MTMR12: variants seen among roughly 807,000 people sequenced by gnomAD.
The protein encoded by MTMR12 is myotubularin-related protein 12.
MTMR12 carries 33 observed loss-of-function variants against 96.7 expected under a neutral mutation model. The ratio of observed to expected loss-of-function variants is 0.34; its 90% CI spans 0.26 to 0.46. The LOEUF (loss-of-function observed/expected upper bound fraction) is 0.46. MTMR12 is among the 20% of genes least tolerant of loss of function. MTMR12 has a pLI of 1.00. For synonymous variants in MTMR12, 298 were observed against 327.2 expected (o/e 0.91, Z 0.96); for missense variants, 721 against 896.1 (o/e 0.80, Z 2.49).
At chr5:32,270,225 T>C (rs906368048) in intron 5 of MTMR12, among the ~76,000 whole-genome samples, 1 of 151,588 alleles carries the variant, frequency 6.6e-6, no homozygotes, top group Non-Finnish European at 1.5e-5. Flanking sequence ...GAAAAAAAAA[T>C]CTTGGAAATT....
At chr5:32,238,536 T>C (rs1748331332) in intron 13 of MTMR12, among the ~76,000 whole-genome samples, 1 of 152,160 alleles carries the variant, frequency 6.6e-6, no homozygotes, top group Non-Finnish European at 1.5e-5. Flanking sequence ...AATGCAAATA[T>C]TCCAAAATCC....
chr5:32,290,360 G>A (rs747360456), intron 1 of MTMR12, among the ~76,000 whole-genome samples: 3 of 152,176 alleles, frequency 2.0e-5, no homozygotes, highest in Admixed American at 1.3e-4. Context: ...ACTTATTGGT[G>A]AGACATTTTC....
At chr5:32,281,405 T>C (rs1054287341) in intron 1 of MTMR12, among the ~76,000 whole-genome samples, 3 of 152,152 alleles carry the variant, frequency 2.0e-5, no homozygotes, top group Non-Finnish European at 4.4e-5. Context: ...AACACTGAAG[T>C]TGGCCCTAAA....
chr5:32,305,339 G>A (rs899682748), intron 1 of MTMR12, among the ~76,000 whole-genome samples: 12 of 151,956 alleles, frequency 7.9e-5, no homozygotes, highest in African/African-American at 2.9e-4. Context: ...CACCCACCTC[G>A]GCCTCCCAAA....
At chr5:32,238,311 C>G (rs564231601) in intron 13 of MTMR12, among the ~76,000 whole-genome samples, 1 of 152,216 alleles carries the variant, frequency 6.6e-6, no homozygotes, top group East Asian at 1.9e-4. Flanking sequence ...CTCAAGCAAT[C>G]CTCTCACCTC....
At chr5:32,290,483 G>A (rs1263919417) in intron 1 of MTMR12, among the ~76,000 whole-genome samples, 1 of 152,194 alleles carries the variant, frequency 6.6e-6, no homozygotes, top group East Asian at 1.9e-4. Flanking sequence ...CTAAGATGAA[G>A]GATAAGTTGC....
chr5:32,266,151 G>A (rs986867178), intron 6 of MTMR12, among the ~76,000 whole-genome samples: 1 of 152,106 alleles, frequency 6.6e-6, no homozygotes, highest in South Asian at 2.1e-4. Context: ...GAGGGTGGGC[G>A]CCTCCACAGA....
intron 1 of MTMR12, among the ~76,000 whole-genome samples, chr5:32,283,711 G>A (rs1247262552): frequency 6.6e-6 from 1 of 152,140 alleles, no homozygotes; most frequent in Non-Finnish European, 1.5e-5. Context: ...AAGTGACCAG[G>A]GAAAGCCTCG....
At chr5:32,248,675 C>T (rs938581247) in intron 9 of MTMR12, 97 bp downstream of exon 9, 77 of 871,886 alleles carry the variant, frequency 8.8e-5, no homozygotes, top group Non-Finnish European at 1.1e-4. Flanking sequence ...ATTAAGCTAC[C>T]AGTAGGTAAA....
chr5:32,262,722 C>A (rs1253685854), intron 7 of MTMR12, among the ~76,000 whole-genome samples: 1 of 152,138 alleles, frequency 6.6e-6, no homozygotes, highest in East Asian at 1.9e-4. Flanking sequence ...TGTGCTATAT[C>A]CACATTATGG....
chr5:32,250,773 C>T (rs2047069), intron 8 of MTMR12, among the ~76,000 whole-genome samples: 50,221 of 152,010 alleles, frequency 0.33, 8,648 homozygotes, highest in East Asian at 0.49. Flanking sequence ...GTAATAACTC[C>T]TAATCATAAC....
At chr5:32,296,671 C>T (rs747735706) in intron 1 of MTMR12, among the ~76,000 whole-genome samples, 5 of 150,796 alleles carry the variant, frequency 3.3e-5, no homozygotes, top group East Asian at 2.0e-4. Flanking sequence ...AACAGTAACA[C>T]GTGCCTGTAG....
chr5:32,241,938 G>A, intron 12 of MTMR12, 119 bp downstream of exon 12: 1 of 787,830 alleles, frequency 1.3e-6, no homozygotes, highest in Non-Finnish European at 2.0e-6. Flanking sequence ...GAAAGGAATA[G>A]GAAGGATTTC....
chr5:32,239,810 T>TG (rs1748394341), intron 12 of MTMR12, among the ~76,000 whole-genome samples: 1 of 152,246 alleles, frequency 6.6e-6, no homozygotes, highest in Admixed American at 6.5e-5. Context: ...CTGCTTCTCC[T>TG]GCCTATCCTA....
intron 2 of MTMR12, among the ~76,000 whole-genome samples, chr5:32,275,560 C>G (rs1160506787): frequency 6.6e-6 from 1 of 152,160 alleles, no homozygotes; most frequent in Non-Finnish European, 1.5e-5. Flanking sequence ...GTGCCATAAT[C>G]AGCTGGTTTA....
chr5:32,258,637 C>A (rs1018309886), intron 7 of MTMR12, among the ~76,000 whole-genome samples: 3 of 152,142 alleles, frequency 2.0e-5, no homozygotes, highest in African/African-American at 7.2e-5. Flanking sequence ...TAGACAAGAG[C>A]CTCCAGCGAT....
At position 32,245,567 on chromosome 5, in the gene MTMR12, C is replaced by T. The variant is rs185648557; in HGVS notation, c.1022-1968G>A. Among the ~76,000 whole-genome samples the T allele has an allele frequency of 2.0e-5, 3 of 152,082 alleles. No individual in the cohort carries two copies. The East Asian group carries it at 5.8e-4, about 29-fold the overall frequency. ...TTATGGCTGGGCATGGTGGCTCATG[C>T]CTATAATCCCAGCACTTTGGGAGGC... On this transcript the variant is annotated intron_variant, in intron 10 of 15. Coordinates refer to ENST00000382142, the MANE Select transcript of MTMR12 (RefSeq NM_001040446.3).
intron 10 of MTMR12, 112 bp downstream of exon 10, chr5:32,247,890 G>A: frequency 6.8e-7 from 1 of 1,469,432 alleles, no homozygotes; most frequent in Non-Finnish European, 9.1e-7. Context: ...ACAGCCCTGG[G>A]CTCTGCGTAC....
At chr5:32,231,560 ACTCT>A (rs992364470) in intron 15 of MTMR12, among the ~76,000 whole-genome samples, 1 of 152,082 alleles carries the variant, frequency 6.6e-6, no homozygotes, top group South Asian at 2.1e-4. Flanking sequence ...TCACTCTAAA[ACTCT>A]CTAACATATT....
Sources: gnomAD v4.1 joint callset for allele counts (sites outside exome capture counted in the v4.1 genomes callset) on GRCh38, gnomAD v4.1.1 for gene constraint, MANE v1.5 for transcripts, NCBI Gene and HGNC (gene_info 2026-07-23, HGNC 2026-07-21) for gene names.